PPP1R13B: variants seen among roughly 807,000 people sequenced by gnomAD.
PPP1R13B encodes the protein apoptosis-stimulating of p53 protein 1.
PPP1R13B carries 44 observed loss-of-function variants against 119.8 expected under a neutral mutation model. That is an observed-to-expected ratio of 0.37 (90% CI 0.29 to 0.47). The LOEUF (loss-of-function observed/expected upper bound fraction) is 0.47. Among genes scored for constraint, PPP1R13B ranks in the 20% least tolerant of loss-of-function variants. The pLI is 0.99. For missense variants in PPP1R13B, 1,227 were observed against 1,413.5 expected (o/e 0.87, Z 2.12); for synonymous variants, 542 against 561.5 (o/e 0.97, Z 0.49).
intron 3 of PPP1R13B, among the ~76,000 whole-genome samples, chr14:103,779,752 G>A (rs561956839): frequency 2.0e-5 from 3 of 151,968 alleles, no homozygotes; most frequent in Non-Finnish European, 4.4e-5. Context: ...GCACCATTGC[G>A]CTCCAGCCCA....
intron 8 of PPP1R13B, chr14:103,747,459 A>G (rs2084414772): frequency 6.6e-6 from 1 of 152,126 alleles, no homozygotes; most frequent in Non-Finnish European, 1.5e-5. Flanking sequence ...CAGTAACCAG[A>G]TATTTGGCCA....
chr14:103,745,348 G>A (rs1331620866), intron 9 of PPP1R13B, among the ~76,000 whole-genome samples: 1 of 152,216 alleles, frequency 6.6e-6, no homozygotes, highest in African/African-American at 2.4e-5. Context: ...AAAGGGGCTC[G>A]AAACACAGGC....
rs751872326 is a variant in PPP1R13B, at chr14:103,746,534, G to A, written c.989C>T (p.Thr330Met). ...GCTCAGAGGGGACTGTGGTGATGAC[G>A]TGCCATTCACACGGTTCAGCTACAA... ...KKIQLNRVNGTSSPQSPLSTS... is the reference protein window; with the variant it reads ...KKIQLNRVNGMSSPQSPLSTS... The change falls in exon 9 of 17, where the codon ACG (threonine) becomes ATG (methionine). Residue 330 changes from threonine to methionine, a missense_variant. By Grantham distance (81) the Thr-to-Met change is moderately conservative. Transcript: ENST00000202556. The A allele has an allele frequency of 1.3e-5, 21 of 1,599,484 alleles. No homozygotes were observed. Among genetic ancestry groups the A allele is most frequent in the Admixed American group, 1.0e-4 (6 of 57,164 alleles).
rs2084228946 is a variant in PPP1R13B, at chr14:103,740,507, G to T, written c.1909C>A (p.Gln637Lys). The change falls in exon 12 of 17, where the codon CAG (glutamine) becomes AAG (lysine). Residue 637 changes from glutamine (Q) to lysine (K), a missense_variant. Transcript: ENST00000202556. The surrounding 1 kb of genome is among the most constrained non-coding windows in gnomAD (Gnocchi z 4.6). ...GTACTTTCTGAAGGTGGCTGAGGCT[G>T]TGGTGTGCCCGTGGACAGTGACCCG... Reference protein sequence around the residue: ...LHGSLSTGTPQPQPPSESTEK... With the variant: ...LHGSLSTGTPKPQPPSESTEK... 1 of 1,606,438 alleles carries T rather than the reference G, an allele frequency of 6.2e-7. No homozygotes were observed. The highest frequency in any genetic ancestry group is 1.1e-5 in the South Asian group (1 of 90,624).
chr14:103,826,049 T>C (rs1014594715), intron 1 of PPP1R13B, among the ~76,000 whole-genome samples: 18 of 152,074 alleles, frequency 1.2e-4, no homozygotes, highest in Non-Finnish European at 2.2e-4. Context: ...TTTTAATTTT[T>C]GTATTTTTAG....
At chr14:103,811,439 G>C (rs1420608321) in intron 1 of PPP1R13B, among the ~76,000 whole-genome samples, 2 of 152,190 alleles carry the variant, frequency 1.3e-5, no homozygotes, top group Non-Finnish European at 2.9e-5. Flanking sequence ...TGTAATCCCA[G>C]CATTTTGGGA....
intron 1 of PPP1R13B, among the ~76,000 whole-genome samples, chr14:103,837,914 T>C (rs566925022): frequency 2.0e-5 from 3 of 151,850 alleles, no homozygotes; most frequent in African/African-American, 7.2e-5. Context: ...AGGTCAGGAG[T>C]TCAAGACCAG....
chr14:103,832,421 T>G (rs970633032), intron 1 of PPP1R13B, among the ~76,000 whole-genome samples: 1 of 152,186 alleles, frequency 6.6e-6, no homozygotes, highest in African/African-American at 2.4e-5. Context: ...TAATCTCAGA[T>G]GCAGCTTCTA....
chr14:103,745,347 C>T (rs1039756246), intron 9 of PPP1R13B, among the ~76,000 whole-genome samples: 3 of 152,156 alleles, frequency 2.0e-5, no homozygotes, highest in African/African-American at 4.8e-5. Context: ...AAAAGGGGCT[C>T]GAAACACAGG....
At chr14:103,792,296 A>G (rs895216392) in intron 2 of PPP1R13B, among the ~76,000 whole-genome samples, 7 of 151,494 alleles carry the variant, frequency 4.6e-5, no homozygotes, top group South Asian at 2.1e-4. Context: ...TCCCACCTCA[A>G]CCTCTCTAGT....
intron 4 of PPP1R13B, among the ~76,000 whole-genome samples, chr14:103,774,175 T>A (rs1404336431): frequency 6.6e-6 from 1 of 152,224 alleles, no homozygotes; most frequent in Non-Finnish European, 1.5e-5. Context: ...ATGTAAGAGC[T>A]AAAACTATAA....
chr14:103,826,905 G>A (rs1054393833), intron 1 of PPP1R13B, among the ~76,000 whole-genome samples: 10 of 151,738 alleles, frequency 6.6e-5, no homozygotes, highest in African/African-American at 2.4e-4. Flanking sequence ...CCAGCTACTG[G>A]GGAGGCTGAG....
chr14:103,837,561 G>A (rs533202566), intron 1 of PPP1R13B, among the ~76,000 whole-genome samples: 18 of 151,650 alleles, frequency 1.2e-4, no homozygotes, highest in Non-Finnish European at 2.5e-4. Flanking sequence ...GTGCATGCAC[G>A]CAAGCACTCA....
chr14:103,797,090 A>T (rs34066659), intron 2 of PPP1R13B, among the ~76,000 whole-genome samples: 10 of 144,788 alleles, frequency 6.9e-5, no homozygotes, highest in African/African-American at 2.3e-4. Context: ...AGAGTGAGAT[A>T]CTGTCTCAAA....
intron 1 of PPP1R13B, among the ~76,000 whole-genome samples, chr14:103,824,039 CTTTTT>C (rs35194586): frequency 9.3e-5 from 7 of 75,112 alleles, no homozygotes; most frequent in Non-Finnish European, 1.5e-4. Context: ...CTACCTCATC[CTTTTT>C]TTTTTTTTTT....
intron 4 of PPP1R13B, chr14:103,763,170 G>T (rs1447679864): frequency 3.3e-6 from 2 of 603,782 alleles, no homozygotes; most frequent in Non-Finnish European, 6.0e-6. Context: ...GATGGACCCG[G>T]ATTTCAGAAA....
At chr14:103,821,095 T>C (rs932370402) in intron 1 of PPP1R13B, among the ~76,000 whole-genome samples, 3 of 152,166 alleles carry the variant, frequency 2.0e-5, no homozygotes, top group African/African-American at 4.8e-5. Flanking sequence ...ATTTTGTAGA[T>C]GAGGAAGTAG....
At chr14:103,759,329 ATT>A (rs11286571) in intron 4 of PPP1R13B, 217 of 129,434 alleles carry the variant, frequency 1.7e-3, no homozygotes, top group Admixed American at 2.6e-3. Flanking sequence ...ACGGTACAAG[ATT>A]TTTTTTTTTT....
At chr14:103,752,073 G>A (rs1293163663) in intron 7 of PPP1R13B, among the ~76,000 whole-genome samples, 1 of 152,150 alleles carries the variant, frequency 6.6e-6, no homozygotes, top group East Asian at 1.9e-4. Flanking sequence ...AAATGCTGGG[G>A]ACCCGGAGCA....
Sources: gnomAD v4.1 joint callset for allele counts (sites outside exome capture counted in the v4.1 genomes callset) on GRCh38, gnomAD v4.1.1 for gene constraint, Gnocchi (gnomAD v3.1) non-coding constraint, MANE v1.5 for transcripts, NCBI Gene and HGNC (gene_info 2026-07-23, HGNC 2026-07-21) for gene names.